Variants in USP24 observed in about 807,000 individuals in gnomAD.
The protein encoded by USP24 is ubiquitin specific peptidase 24.
A neutral mutation model predicts 361.6 loss-of-function variants in USP24; 97 were observed. The observed-to-expected ratio is 0.27, with a 90% CI of 0.23 to 0.32. USP24 has a LOEUF of 0.32. Among genes scored for constraint, USP24 ranks in the 10% least tolerant of loss-of-function variants. The probability of loss-of-function intolerance (pLI) is 1.00; values close to 1 mark genes in which losing one functional copy is unlikely to be tolerated. For missense variants in USP24, 2,353 were observed against 3,165.6 expected (o/e 0.74, Z 6.16); for synonymous variants, 1,098 against 1,124.6 (o/e 0.98, Z 0.47).
chr1:55,097,723 G>GAA lies in USP24; in HGVS notation c.5596-8_5596-7dup. 16 of 1,315,500 alleles carry GAA rather than the reference G, an allele frequency of 1.2e-5. No homozygotes were observed. The highest frequency in any genetic ancestry group is 8.8e-5 in the East Asian group (3 of 34,250). The allele number at this position is 1,315,500 out of a possible 1,614,324, so 81.5% of individuals were successfully genotyped here. A position where few individuals can be genotyped will look rare whatever the true frequency, so the allele number is the denominator to read the frequency against. ...GTCCTTTTCACTGTTATTCTCTAAAGAAAAAAAAAAGGAAAAAGAGCAAAT... is the reference window on the plus strand; with the variant it reads ...GTCCTTTTCACTGTTATTCTCTAAAGAAAAAAAAAAAAGGAAAAAGAGCAAAT... On this transcript the variant is annotated splice_polypyrimidine_tract_variant and splice_region_variant and intron_variant, in intron 47 of 67. Coordinates refer to ENST00000294383, the MANE Select transcript of USP24 (RefSeq NM_015306.3).
chr1:55,124,357 C>T (rs1372274245), intron 35 of USP24, 112 bp downstream of exon 35: 1 of 1,281,304 alleles, frequency 7.8e-7, no homozygotes, highest in Non-Finnish European at 1.1e-6. Context: ...CTCATGCTCA[C>T]AAGCAAGAGA....
intron 1 of USP24, among the ~76,000 whole-genome samples, chr1:55,184,667 T>C (rs1644077098): frequency 6.6e-6 from 1 of 152,166 alleles, no homozygotes; most frequent in Non-Finnish European, 1.5e-5. Flanking sequence ...TTCTCCAAGA[T>C]AGAGCATATG....
chr1:55,124,654 G>T, intron 34 of USP24, 26 bp from the exon 35 acceptor site: 1 of 1,612,096 alleles, frequency 6.2e-7, no homozygotes, highest in Non-Finnish European at 8.5e-7. Context: ...AGTATTATGA[G>T]AAAGAGCAAT....
At chr1:55,194,386 T>C (rs1644364299) in intron 1 of USP24, among the ~76,000 whole-genome samples, 1 of 152,196 alleles carries the variant, frequency 6.6e-6, no homozygotes, top group South Asian at 2.1e-4. Context: ...GCAGGATTCC[T>C]ACACAGATGA....
chr1:55,137,800 A>G lies in USP24; in HGVS notation c.3027+6T>C, dbSNP rs141012113. 964 of 1,572,038 alleles carry G rather than the reference A, an allele frequency of 6.1e-4. 6 individuals are homozygous for G. The African/African-American group carries it at 0.012, about 19-fold the overall frequency. On this transcript the variant is annotated splice_donor_region_variant and intron_variant, in intron 27 of 67. Coordinates refer to ENST00000294383, the MANE Select transcript of USP24 (RefSeq NM_015306.3). The stretch of plus-strand genomic sequence containing the variant: ...TTATTCATCAAAACTGCTTATTTAA[A>G]CCTACCAGGCTATCATTTGTAAATA...
At position 55,068,449 on chromosome 1, in the gene USP24, T is replaced by C. The variant is rs181456485; in HGVS notation, c.*596A>G. 1 of 152,376 alleles carries C rather than the reference T, an allele frequency of 6.6e-6. No homozygotes were observed. 9.4% of individuals were successfully genotyped at this position (152,376 alleles called of 1,614,324 possible). On this transcript the variant is annotated 3_prime_UTR_variant, in exon 68 of 68. Transcript: ENST00000294383. ...AACCTTTCATCAAGATCCAAGCTTA[T>C]GCATAGGGTTCTCATCTAGACCCAT...
chr1:55,167,220 C>T (rs894181090), intron 5 of USP24, among the ~76,000 whole-genome samples: 6 of 152,032 alleles, frequency 3.9e-5, no homozygotes, highest in African/African-American at 1.4e-4. Flanking sequence ...AAAAAGGCCT[C>T]GAAAGAAAAA....
At chr1:55,139,069 GTT>G in intron 24 of USP24, 59 bp from the exon 25 acceptor site, 1 of 1,435,488 alleles carries the variant, frequency 7.0e-7, no homozygotes, top group South Asian at 1.3e-5. Context: ...TCTGAGCTCA[GTT>G]CTAGTCTGTT....
rs1029057475 is a variant in USP24 at position 55,215,166 on chromosome 1, G to T, written c.-53C>A. Reference sequence around the variant, plus strand: ...AGCGCACGGCGAAGCTACGGGTCCCGGGCCTGGCGGGCCGCGCGGCGCACC... The same window carrying T: ...AGCGCACGGCGAAGCTACGGGTCCCTGGCCTGGCGGGCCGCGCGGCGCACC... On this transcript the variant is annotated 5_prime_UTR_variant, in exon 1 of 68. Transcript: ENST00000294383. 1 of 1,197,024 alleles carries T rather than the reference G, an allele frequency of 8.4e-7. No individual in the cohort carries two copies. Among genetic ancestry groups the T allele is most frequent in the African/African-American group, 1.6e-5 (1 of 62,952 alleles). 74.2% of individuals were successfully genotyped at this position (1,197,024 alleles called of 1,614,324 possible). A position where few individuals can be genotyped will look rare whatever the true frequency, so the allele number is the denominator to read the frequency against.
intron 5 of USP24, among the ~76,000 whole-genome samples, chr1:55,170,561 C>T (rs951597424): frequency 1.3e-5 from 2 of 152,160 alleles, no homozygotes; most frequent in Non-Finnish European, 2.9e-5. Flanking sequence ...AAGTACTTCA[C>T]TTCTGTCTGT....
At chr1:55,107,526 C>G (rs1645809370) in intron 39 of USP24, 96 bp from the exon 40 acceptor site, 1 of 1,344,508 alleles carries the variant, frequency 7.4e-7, no homozygotes. Context: ...AAGCCCCAAT[C>G]TTTCACTTTA....
At chr1:55,171,943 C>T (rs1461912487) in intron 4 of USP24, among the ~76,000 whole-genome samples, 2 of 151,994 alleles carry the variant, frequency 1.3e-5, no homozygotes, top group Non-Finnish European at 2.9e-5. Context: ...ATGCCAATGC[C>T]CCAAGTGTGC....
At chr1:55,107,602 G>C (rs1645811597) in intron 39 of USP24, among the ~76,000 whole-genome samples, 172 bp from the exon 40 acceptor site, 1 of 152,026 alleles carries the variant, frequency 6.6e-6, no homozygotes, top group African/African-American at 2.4e-5. Flanking sequence ...CCAGCACTTT[G>C]GGAGGCTGAG....
At chr1:55,075,827 G>A (rs961749320) in intron 62 of USP24, among the ~76,000 whole-genome samples, 1 of 151,826 alleles carries the variant, frequency 6.6e-6, no homozygotes, top group African/African-American at 2.4e-5. Flanking sequence ...AAATTAGTTG[G>A]GCACAGTGAC....
chr1:55,077,139 G>T, intron 62 of USP24, 96 bp downstream of exon 62: 1 of 1,152,536 alleles, frequency 8.7e-7, no homozygotes, highest in Non-Finnish European at 1.2e-6. Context: ...CCAAATGAAT[G>T]GAGAAATAAT....
intron 58 of USP24, among the ~76,000 whole-genome samples, chr1:55,082,785 G>A (rs1645176701): frequency 6.6e-6 from 1 of 152,194 alleles, no homozygotes. Flanking sequence ...TGGTGACAGA[G>A]TGAGACCTTG....
intron 39 of USP24, 27 bp from the exon 40 acceptor site, chr1:55,107,457 CAAAG>C: frequency 6.5e-7 from 1 of 1,531,966 alleles, no homozygotes; most frequent in Non-Finnish European, 8.7e-7. Flanking sequence ...AAATCCATTA[CAAAG>C]AAAGAAGGAT....
chr1:55,141,435 A>C (rs1212259539), intron 24 of USP24, among the ~76,000 whole-genome samples, 181 bp downstream of exon 24: 1 of 152,196 alleles, frequency 6.6e-6, no homozygotes, highest in Non-Finnish European at 1.5e-5. Flanking sequence ...CAGAACTTCC[A>C]AAGAGGCACA....
Position 55,083,256 on chromosome 1 carries a change from TAA to T in USP24, c.6975+14_6975+15del. The T allele has an allele frequency of 6.2e-7, 1 of 1,612,706 alleles. No individual in the cohort carries two copies. On this transcript the variant is annotated intron_variant, in intron 58 of 67. Transcript: ENST00000294383. ...AACCATAGCTATTCCACTAGGGATA[TAA>T]AAGTAGTCCTTACCTGATTGTTTTG...
Sources: gnomAD v4.1 joint callset for allele counts (sites outside exome capture counted in the v4.1 genomes callset) on GRCh38, gnomAD v4.1.1 for gene constraint, MANE v1.5 for transcripts, NCBI Gene and HGNC (gene_info 2026-07-23, HGNC 2026-07-21) for gene names.